The following NOS1AP variants were observed in gnomAD, a reference collection of about 807,000 sequenced individuals.
NOS1AP encodes the protein nitric oxide synthase 1 adaptor protein, also known as carboxyl-terminal PDZ ligand of neuronal nitric oxide synthase protein.
In NOS1AP, 21 loss-of-function variants were observed where a neutral mutation model predicts 56.2. The ratio of observed to expected loss-of-function variants is 0.37; its 90% CI spans 0.26 to 0.54. The LOEUF (loss-of-function observed/expected upper bound fraction) is 0.54, where lower values mean the gene tolerates loss of function less well. Ranked by LOEUF, NOS1AP falls within the 20% of genes least tolerant of loss-of-function variation. NOS1AP has a pLI of 0.84. For synonymous variants in NOS1AP, 270 were observed against 274.6 expected (o/e 0.98, Z 0.17); for missense variants, 522 against 657.8 (o/e 0.79, Z 2.26).
At chr1:162,167,408 C>G (rs565695253) in intron 2 of NOS1AP, among the ~76,000 whole-genome samples, 3 of 152,232 alleles carry the variant, frequency 2.0e-5, no homozygotes, top group Non-Finnish European at 4.4e-5. Context: ...CCTCTCTCCT[C>G]AGCTGCCTGA....
intron 5 of NOS1AP, chr1:162,342,593 A>G: frequency 2.0e-6 from 1 of 496,242 alleles, no homozygotes. Context: ...CTTCATTTAT[A>G]CATTTCATAT....
At chr1:162,117,821 G>A (rs1157183376) in intron 1 of NOS1AP, among the ~76,000 whole-genome samples, 1 of 152,204 alleles carries the variant, frequency 6.6e-6, no homozygotes, top group African/African-American at 2.4e-5. Context: ...AGCCCAGGTT[G>A]TGTGTGTGTT....
intron 2 of NOS1AP, among the ~76,000 whole-genome samples, chr1:162,194,157 C>A (rs1175754738): frequency 6.6e-6 from 1 of 152,194 alleles, no homozygotes; most frequent in Admixed American, 6.5e-5. Flanking sequence ...ATCTGGTTTT[C>A]AAACATGATT....
intron 2 of NOS1AP, among the ~76,000 whole-genome samples, chr1:162,235,157 C>T (rs184567484): frequency 1.2e-3 from 189 of 151,754 alleles, no homozygotes; most frequent in Middle Eastern, 3.4e-3. Flanking sequence ...TTTTAACTTG[C>T]CAAGTGTTAT....
At chr1:162,128,571 C>T (rs1648596967) in intron 1 of NOS1AP, among the ~76,000 whole-genome samples, 1 of 152,112 alleles carries the variant, frequency 6.6e-6, no homozygotes, top group Non-Finnish European at 1.5e-5. Flanking sequence ...CACACCTTAA[C>T]AAAAACTCCT....
intron 1 of NOS1AP, among the ~76,000 whole-genome samples, chr1:162,127,842 G>C (rs750665596): frequency 5.3e-5 from 8 of 152,076 alleles, no homozygotes; most frequent in Non-Finnish European, 1.0e-4. Flanking sequence ...TCCAACACTG[G>C]GGATTACAAT....
At chr1:162,167,139 A>T (rs377671257) in intron 2 of NOS1AP, among the ~76,000 whole-genome samples, 3 of 152,204 alleles carry the variant, frequency 2.0e-5, no homozygotes, top group African/African-American at 7.2e-5. Context: ...ATTTAACCGC[A>T]CGAAGGTTTA....
intron 2 of NOS1AP, among the ~76,000 whole-genome samples, chr1:162,262,530 G>T (rs1257437752): frequency 6.6e-6 from 1 of 152,146 alleles, no homozygotes. Flanking sequence ...ACATTCTAAT[G>T]GGAAGGTTTT....
intron 1 of NOS1AP, among the ~76,000 whole-genome samples, chr1:162,071,199 A>G (rs757113804): frequency 1.9e-4 from 29 of 152,204 alleles, no homozygotes; most frequent in Non-Finnish European, 7.4e-5. Context: ...AGAGAGACCC[A>G]GGGACTTTCG....
intron 2 of NOS1AP, among the ~76,000 whole-genome samples, chr1:162,261,499 A>AAGAGAG (rs1654216896): frequency 4.1e-4 from 1 of 2,454 alleles, no homozygotes. Context: ...AGAGAGAGAG[A>AAGAGAG]GAGAGAGAGA....
chr1:162,070,308 A>G, intron 1 of NOS1AP, 26 bp downstream of exon 1: 1 of 1,580,190 alleles, frequency 6.3e-7, no homozygotes, highest in African/African-American at 1.3e-5. Context: ...GGAGGGTGCT[A>G]CCTGTGGTGG....
At chr1:162,198,276 A>G (rs1476604388) in intron 2 of NOS1AP, among the ~76,000 whole-genome samples, 1 of 152,202 alleles carries the variant, frequency 6.6e-6, no homozygotes, top group East Asian at 1.9e-4. Context: ...TCCAGTCATC[A>G]AAGCCATCTG....
At chr1:162,342,238 A>C in intron 5 of NOS1AP, among the ~76,000 whole-genome samples, 1 of 152,354 alleles carries the variant, frequency 6.6e-6, no homozygotes, top group Admixed American at 6.5e-5. Flanking sequence ...CCAATGGAGA[A>C]TATCTCTGGA....
chr1:162,289,054 C>G (rs1655177340), intron 3 of NOS1AP, among the ~76,000 whole-genome samples: 2 of 152,190 alleles, frequency 1.3e-5, no homozygotes, highest in South Asian at 4.2e-4. Flanking sequence ...AAAAGATATC[C>G]TCAGAGGAAA....
rs569088041 is a variant in NOS1AP at position 162,307,672 on chromosome 1, G to A, written c.344+6966G>A. 3.9e-5 allele frequency among the ~76,000 whole-genome samples: 6 copies of A among 152,214 alleles called. No individual in the cohort carries two copies. In the East Asian group the frequency reaches 7.7e-4, roughly 20 times the overall value. ...CAGAAATACACTGTAATAGCCAGGC[G>A]TGGTGGTGGGTGCCTGTAGTCCCAG... On this transcript the variant is annotated intron_variant, in intron 4 of 9. Transcript: ENST00000361897.
At position 162,074,993 on chromosome 1, in the gene NOS1AP, G is replaced by A. The variant is rs181326832; in HGVS notation, c.105+4711G>A. On this transcript the variant is annotated intron_variant, in intron 1 of 9. Transcript: ENST00000361897. ...GGGTCACTTCTGCCACATCCTGTTG[G>A]TCAAAACAGGCTATTAGGGAAGAGA... Among the ~76,000 whole-genome samples, 195 of 152,264 alleles carry A rather than the reference G, an allele frequency of 1.3e-3. 1 individual carries two copies. The highest frequency in any genetic ancestry group is 4.2e-3 in the African/African-American group (176 of 41,558).
intron 4 of NOS1AP, among the ~76,000 whole-genome samples, chr1:162,303,775 T>G (rs948514000): frequency 6.6e-6 from 1 of 152,166 alleles, no homozygotes; most frequent in African/African-American, 2.4e-5. Context: ...TGTATATATA[T>G]TTTTAAGCAT....
At position 162,205,096 on chromosome 1, in the gene NOS1AP, G is replaced by A. The variant is rs193232571; in HGVS notation, c.177+50620G>A. ...ACACTGCTAATCAGTTGGTCCTGGA[G>A]AGAAAGCAAAACTGATGCCTAGCTT... is the stretch of plus-strand genomic sequence containing the variant. On this transcript the variant is annotated intron_variant, in intron 2 of 9. Coordinates refer to ENST00000361897, the MANE Select transcript of NOS1AP (RefSeq NM_014697.3). Among the ~76,000 whole-genome samples, 508 of 152,322 alleles carry A rather than the reference G, an allele frequency of 3.3e-3. 6 individuals carry two copies. The highest frequency in any genetic ancestry group is 0.011 in the African/African-American group (476 of 41,576).
At chr1:162,294,369 C>T (rs1466549890) in intron 3 of NOS1AP, among the ~76,000 whole-genome samples, 1 of 152,126 alleles carries the variant, frequency 6.6e-6, no homozygotes, top group Non-Finnish European at 1.5e-5. Flanking sequence ...GCCTTAGTAT[C>T]CCTCCATTCT....
Sources: allele counts gnomAD v4.1 joint callset (sites outside exome capture counted in the v4.1 genomes callset), GRCh38; gene constraint gnomAD v4.1.1; transcripts MANE v1.5; gene names NCBI Gene and HGNC (gene_info 2026-07-23, HGNC 2026-07-21).